DISP2: variants seen among roughly 807,000 people sequenced by gnomAD.
DISP2 encodes the protein protein dispatched homolog 2.
In DISP2, 59 loss-of-function variants were observed where a neutral mutation model predicts 95.5. The observed-to-expected ratio is 0.62, with a 90% CI of 0.50 to 0.77. The LOEUF (loss-of-function observed/expected upper bound fraction) is 0.77. Among genes scored for constraint, DISP2 ranks in the 30% least tolerant of loss-of-function variants. The pLI is 0.00. For synonymous variants in DISP2, 827 were observed against 815.0 expected (o/e 1.01, Z -0.25); for missense variants, 1,752 against 1,854.6 (o/e 0.94, Z 1.02).
intron 1 of DISP2, among the ~76,000 whole-genome samples, chr15:40,361,384 G>C (rs886338488): frequency 1.3e-5 from 2 of 152,208 alleles, no homozygotes; most frequent in African/African-American, 4.8e-5. Context: ...ACCGTGGGAA[G>C]GGGCAGGAAA....
rs1421792500 is a variant in DISP2, at chr15:40,376,900, A to C, written c.*6582A>C. 6.6e-6 allele frequency: 1 copy of C among 152,238 alleles called. No individual in the cohort carries two copies. The highest frequency in any genetic ancestry group is 1.5e-5 in the Non-Finnish European group (1 of 68,040). The allele number at this position is 152,238 out of a possible 1,614,324, so 9.4% of individuals were successfully genotyped here. On this transcript the variant is annotated 3_prime_UTR_variant, in exon 8 of 8. Coordinates refer to ENST00000267889, the MANE Select transcript of DISP2 (RefSeq NM_033510.3). ...GATTTGAATGGAAAAATAAAATCAG[A>C]CTTTTTCTGTTAGAAGGTCAGAATT...
chr15:40,368,187 A>G lies in DISP2; in HGVS notation c.2075A>G (p.Gln692Arg). 2 of 1,601,414 alleles carry G rather than the reference A, an allele frequency of 1.2e-6. No individual in the cohort carries two copies. Among genetic ancestry groups the G allele is most frequent in the South Asian group, 2.2e-5 (2 of 90,260 alleles). ...AAAGTSRLLF[Q>R]RLLPCGVIKF... ...GCTGGCACCTCGCGTCTGCTCTTCC[A>G]GCGCCTGCTGCCCTGCGGCGTCATC... The change falls in exon 8 of 8, where the codon CAG (glutamine) becomes CGG (arginine). Residue 692 changes from glutamine (Q) to arginine (R), a missense_variant. Transcript: ENST00000267889.
At chr15:40,364,028 G>C (rs900619383) in intron 2 of DISP2, 74 bp downstream of exon 2, 106 of 1,494,628 alleles carry the variant, frequency 7.1e-5, no homozygotes, top group Non-Finnish European at 9.4e-5. Context: ...GCAGACTGCC[G>C]GGGCTCTAGA....
rs774939263 is a variant in DISP2, at chr15:40,368,401, G to T, written c.2289G>T (p.Pro763=). ...YRQLFLFEQL[P]QGEGGHMPVV... is the part of the protein sequence containing the mutation. ...AGCTGTTCCTGTTCGAGCAGCTGCC[G>T]CAGGGCGAGGGCGGCCACATGCCCG... The change falls in exon 8 of 8, where the codon CCG becomes CCT. Residue 763 remains proline, a synonymous_variant. Transcript: ENST00000267889. The T allele has an allele frequency of 8.7e-6, 14 of 1,608,272 alleles. No individual in the cohort carries two copies. Among genetic ancestry groups the T allele is most frequent in the African/African-American group, 4.0e-5 (3 of 74,920 alleles).
At chr15:40,362,220 C>T (rs934813162) in intron 1 of DISP2, among the ~76,000 whole-genome samples, 3 of 152,232 alleles carry the variant, frequency 2.0e-5, no homozygotes, top group African/African-American at 7.2e-5. Context: ...TGCTCCATGG[C>T]CCATGACAGG....
chr15:40,368,816 G>A lies in DISP2; in HGVS notation c.2704G>A (p.Ala902Thr), dbSNP rs777994272. ...CTTTGATGCCCATGGCAGCCTGGCC[G>A]CCCTGGTCCTACAATTCCAGACCAA... is the stretch of plus-strand genomic sequence containing the variant. ...LRFDAHGSLA[A>T]LVLQFQTNFR... Residue 902 changes from alanine to threonine, a missense_variant, in exon 8 of 8, where the codon GCC becomes ACC. Around this residue, in one of 5 missense-constraint regions of DISP2, gnomAD observed 317 missense variants for 394.9 expected, o/e 0.80. Transcript: ENST00000267889. The A allele has an allele frequency of 3.7e-6, 6 of 1,613,936 alleles. No homozygotes were observed. The highest frequency in any genetic ancestry group is 2.2e-5 in the South Asian group (2 of 91,088).
rs934601207 is a variant in DISP2 at position 40,369,968 on chromosome 15, GC to G, written c.3858del (p.Ser1287AlafsTer14). 3 of 1,612,064 alleles carry G rather than the reference GC, an allele frequency of 1.9e-6. No homozygotes were observed. In the African/African-American group the frequency reaches 4.0e-5, roughly 22 times the overall value. On this transcript the variant is annotated frameshift_variant, in exon 8 of 8. Transcript: ENST00000267889. LOFTEE classifies it high-confidence loss of function. ...TCCTCCTGATGGCTTCTGTTCCTCA[GC>G]CAGCACCCTGGAGGGGCTCAGCGTC... is the stretch of plus-strand genomic sequence containing the variant. ...ADPPDGFCSS[A>X]STLEGLSVSD... is the part of the protein sequence containing the mutation.
At position 40,377,881 on chromosome 15, in the gene DISP2, T is replaced by C. The variant is rs1454605653; in HGVS notation, c.*7563T>C. 2 of 152,386 alleles carry C rather than the reference T, an allele frequency of 1.3e-5. No individual in the cohort carries two copies. The highest frequency in any genetic ancestry group is 2.4e-5 in the African/African-American group (1 of 41,428). The allele number at this position is 152,386 out of a possible 1,614,324, so 9.4% of individuals were successfully genotyped here. ...TGGAAAACCTCAAATTTATGGAGCATTGGTCAGAGGTCTCAGAAGGGCCTT... is the reference window on the plus strand; with the variant it reads ...TGGAAAACCTCAAATTTATGGAGCACTGGTCAGAGGTCTCAGAAGGGCCTT... On this transcript the variant is annotated 3_prime_UTR_variant, in exon 8 of 8. Transcript: ENST00000267889.
At chr15:40,366,933 T>C (rs1595727103) in intron 7 of DISP2, 125 bp from the exon 8 acceptor site, 9 of 1,277,536 alleles carry the variant, frequency 7.0e-6, no homozygotes, top group Middle Eastern at 2.1e-4. Context: ...CTCACCAGGC[T>C]GTCAAGATCC....
In DISP2 at chr15:40,370,141, G is replaced by A. The variant is rs769056239; in HGVS notation, c.4029G>A (p.Ala1343=). The part of the protein sequence containing the change: ...LNGKRDTLWL[A]LRETVYDPSL... ...GGAAGCGGGACACCCTGTGGCTGGC[G>A]CTGAGGGAGACAGTGTATGACCCAT... The change falls in exon 8 of 8, where the codon GCG becomes GCA. Residue 1343 remains alanine, a synonymous_variant. Coordinates refer to ENST00000267889, the MANE Select transcript of DISP2 (RefSeq NM_033510.3). 25 of 1,609,122 alleles carry A rather than the reference G, an allele frequency of 1.6e-5. No homozygotes were observed. Among genetic ancestry groups the A allele is most frequent in the Middle Eastern group, 1.6e-4 (1 of 6,066 alleles).
rs956514157 is a variant in DISP2 at position 40,364,812 on chromosome 15, G to C, written c.604-26G>C. 22 of 1,608,646 alleles carry C rather than the reference G, an allele frequency of 1.4e-5. No homozygotes were observed. In the African/African-American group the frequency reaches 2.7e-4, roughly 20 times the overall value. On this transcript the variant is annotated intron_variant, in intron 4 of 7. Transcript: ENST00000267889. ...TGGAGAACTCCTACCCTGCCCACCT[G>C]TTCTTCTCCACCCTCCTCCCTGCAG...
In DISP2 at chr15:40,363,663, A is replaced by T; in HGVS notation, c.158A>T (p.Glu53Val). The T allele has an allele frequency of 6.4e-7, 1 of 1,570,336 alleles. No homozygotes were observed. Among genetic ancestry groups the T allele is most frequent in the Non-Finnish European group, 8.6e-7 (1 of 1,156,798 alleles). Residue 53 changes from glutamate (E) to valine (V), a missense_variant, in exon 2 of 8, where the codon GAG becomes GTG. Physicochemically the swap from Glu to Val is moderately radical, Grantham distance 121 (BLOSUM62 -2). Around this residue, in one of 5 missense-constraint regions of DISP2, gnomAD observed 342 missense variants for 364.3 expected, o/e 0.94. Coordinates refer to ENST00000267889, the MANE Select transcript of DISP2 (RefSeq NM_033510.3). ...GCTGTGCCCCCTGAGGCAAGCCCAGAGAGAAGCTGCTCCCTCCACAGCTGC... is the reference window on the plus strand; with the variant it reads ...GCTGTGCCCCCTGAGGCAAGCCCAGTGAGAAGCTGCTCCCTCCACAGCTGC... Reference protein sequence around the residue: ...TKAVPPEASPERSCSLHSCPL... With the variant: ...TKAVPPEASPVRSCSLHSCPL...
Position 40,364,826 on chromosome 15 carries a change from T to G in DISP2, c.604-12T>G, listed in dbSNP as rs752035659. The stretch of plus-strand genomic sequence containing the variant: ...CCTGCCCACCTGTTCTTCTCCACCC[T>G]CCTCCCTGCAGGGCTTTGAGCCACG... On this transcript the variant is annotated splice_polypyrimidine_tract_variant and intron_variant, in intron 4 of 7. Coordinates refer to ENST00000267889, the MANE Select transcript of DISP2 (RefSeq NM_033510.3). 8.1e-6 allele frequency: 13 copies of G among 1,612,324 alleles called. No homozygotes were observed. The highest frequency in any genetic ancestry group is 1.1e-5 in the Non-Finnish European group (13 of 1,179,052).
rs573660006 is a variant in DISP2, at chr15:40,369,609, A to C, written c.3497A>C (p.Gln1166Pro). 2 of 1,611,664 alleles carry C rather than the reference A, an allele frequency of 1.2e-6. No homozygotes were observed. The highest frequency in any genetic ancestry group is 2.7e-5 in the African/African-American group (2 of 75,038). Residue 1166 changes from glutamine (Q) to proline (P), a missense_variant, in exon 8 of 8, where the codon CAG becomes CCG. By Grantham distance (76) the Gln-to-Pro change is moderately conservative. This residue lies in a region of DISP2 where 347 missense variants were observed against 344.2 expected (regional missense o/e 1.01). Transcript: ENST00000267889. ...TCCTGCTCAGAGCAATATGAGCTACAGCCCCTGGCACGGCGTCGGAGCCCC... is the reference window on the plus strand; with the variant it reads ...TCCTGCTCAGAGCAATATGAGCTACCGCCCCTGGCACGGCGTCGGAGCCCC... ...PGSCSEQYEL[Q>P]PLARRRSPSF...
rs1212475764 is a variant in DISP2, at chr15:40,374,079, G to T, written c.*3761G>T. 1 of 149,188 alleles carries T rather than the reference G, an allele frequency of 6.7e-6. No homozygotes were observed. Among genetic ancestry groups the T allele is most frequent in the Non-Finnish European group, 1.5e-5 (1 of 67,440 alleles). 9.2% of individuals were successfully genotyped at this position (149,188 alleles called of 1,614,324 possible). On this transcript the variant is annotated 3_prime_UTR_variant, in exon 8 of 8. Transcript: ENST00000267889. ...ACCATGGGAAAACCATCCTTCCATG[G>T]CTGTGGTGATTTGGGGACTTTTAGA...
rs201394554 is a variant in DISP2, at chr15:40,363,813, A to C, written c.308A>C (p.Gln103Pro). ...TATCCCCGGGCACTGCAGGAATACC[A>C]GGGGGGCAGTTCCCTGCCAGGACTT... ...FTYPRALQEY[Q>P]GGSSLPGLGD... The change falls in exon 2 of 8, where the codon CAG becomes CCG. Residue 103 changes from glutamine to proline, a missense_variant. Coordinates refer to ENST00000267889, the MANE Select transcript of DISP2 (RefSeq NM_033510.3). 1.6e-5 allele frequency: 25 copies of C among 1,612,074 alleles called. No individual in the cohort carries two copies. The highest frequency in any genetic ancestry group is 2.0e-5 in the Non-Finnish European group (23 of 1,178,770).
intron 1 of DISP2, among the ~76,000 whole-genome samples, chr15:40,360,513 C>T (rs1029720179): frequency 2.0e-5 from 3 of 151,926 alleles, no homozygotes; most frequent in Non-Finnish European, 4.4e-5. Flanking sequence ...ATCCTAGGTC[C>T]CTGAAGAGGA....
At chr15:40,363,303 C>T (rs1889435806) in intron 1 of DISP2, among the ~76,000 whole-genome samples, 1 of 140,162 alleles carries the variant, frequency 7.1e-6, no homozygotes, top group Admixed American at 7.3e-5. Flanking sequence ...CAGAGCGAGA[C>T]TCCATCACAA....
Position 40,368,534 on chromosome 15 carries a change from G to A in DISP2, c.2422G>A (p.Ala808Thr). 1.9e-6 allele frequency: 3 copies of A among 1,605,160 alleles called. No homozygotes were observed. Among genetic ancestry groups the A allele is most frequent in the Non-Finnish European group, 2.5e-6 (3 of 1,179,902 alleles). ...DPAFSASGPE[A>T]QRWLLALCHR... ...TGCCTTCTCGGCCAGCGGCCCTGAG[G>A]CCCAGCGCTGGCTGCTGGCACTCTG... is the stretch of plus-strand genomic sequence containing the variant. Residue 808 changes from alanine (A) to threonine (T), a missense_variant, in exon 8 of 8, where the codon GCC (alanine) becomes ACC (threonine). This residue lies in a region of DISP2 where 732 missense variants were observed against 714.6 expected (regional missense o/e 1.02). Transcript: ENST00000267889.
Sources: allele counts gnomAD v4.1 joint callset (sites outside exome capture counted in the v4.1 genomes callset), GRCh38; gene constraint gnomAD v4.1.1; regional missense constraint gnomAD v4.1.1; transcripts MANE v1.5; gene names NCBI Gene and HGNC (gene_info 2026-07-23, HGNC 2026-07-21).